Variants in EIF4E3 observed in about 807,000 individuals in gnomAD.
The protein encoded by EIF4E3 is eukaryotic translation initiation factor 4E family member 3.
A neutral mutation model predicts 31.7 loss-of-function variants in EIF4E3; 26 were observed. The observed-to-expected ratio is 0.82, with a 90% confidence interval of 0.60 to 1.14. The LOEUF (loss-of-function observed/expected upper bound fraction) is 1.14. Among genes scored for constraint, EIF4E3 ranks in the 50% most tolerant of loss-of-function variants. EIF4E3 has a pLI of 0.00. For synonymous variants in EIF4E3, 128 were observed against 107.7 expected (o/e 1.19, Z -1.17); for missense variants, 304 against 270.9 (o/e 1.12, Z -0.86).
chr3:71,716,116 A>C (rs2049460586), intron 1 of EIF4E3, among the ~76,000 whole-genome samples: 1 of 152,238 alleles, frequency 6.6e-6, no homozygotes, highest in Admixed American at 6.5e-5. Flanking sequence ...CTGGCAAAGC[A>C]CAGAGGTGGA....
intron 1 of EIF4E3, among the ~76,000 whole-genome samples, chr3:71,746,028 G>C (rs571826813): frequency 2.6e-5 from 4 of 152,034 alleles, no homozygotes; most frequent in Non-Finnish European, 5.9e-5. Flanking sequence ...ATGGTTTTTC[G>C]CAATTCTGTA....
chr3:71,749,112 C>CACCTTGTGCT (rs1326960365), intron 1 of EIF4E3, among the ~76,000 whole-genome samples: 3 of 152,248 alleles, frequency 2.0e-5, no homozygotes, highest in Non-Finnish European at 4.4e-5. Context: ...CTTGTGTGCA[C>CACCTTGTGCT]ACCTTGTGCT....
At chr3:71,741,155 A>G (rs2049816280) in intron 1 of EIF4E3, among the ~76,000 whole-genome samples, 1 of 151,598 alleles carries the variant, frequency 6.6e-6, no homozygotes, top group African/African-American at 2.4e-5. Context: ...AAATACAATA[A>G]AAACAAAAAA....
chr3:71,690,075 G>A lies in EIF4E3; in HGVS notation c.563C>T (p.Ala188Val), dbSNP rs1339292058. The A allele has an allele frequency of 5.0e-6, 8 of 1,613,440 alleles. No homozygotes were observed. The highest frequency in any genetic ancestry group is 5.9e-6 in the Non-Finnish European group (7 of 1,179,904). ...WNVNASLVGE[A>V]TVLEKIYELL... Reference sequence around the variant, plus strand: ...TTCATAGATCTTTTCTAAAACAGTCGCTTCACCCACTAAAGAGGCATTTAC... The same window carrying A: ...TTCATAGATCTTTTCTAAAACAGTCACTTCACCCACTAAAGAGGCATTTAC... The change falls in exon 6 of 7, where the codon GCG becomes GTG. Residue 188 changes from alanine (A) to valine (V), a missense_variant. Ala to Val is a moderately conservative substitution (Grantham distance 64, BLOSUM62 0). Coordinates refer to ENST00000425534, the MANE Select transcript of EIF4E3 (RefSeq NM_001134651.2).
In EIF4E3 at chr3:71,692,098, G is replaced by A. The variant is rs551888789; in HGVS notation, c.472+1777C>T. Among the ~76,000 whole-genome samples the A allele has an allele frequency of 6.6e-5, 10 of 152,280 alleles. No homozygotes were observed. The South Asian group carries it at 1.2e-3, about 19-fold the overall frequency. ...TTACTAGCACAGCACTTTCACAAAT[G>A]GCTCGGTAAAAAAAGGCTGCAACTC... is the stretch of plus-strand genomic sequence containing the variant. On this transcript the variant is annotated intron_variant, in intron 5 of 6. Transcript: ENST00000425534.
intron 4 of EIF4E3, among the ~76,000 whole-genome samples, chr3:71,695,304 G>T (rs564965764): frequency 6.6e-6 from 1 of 152,302 alleles, no homozygotes; most frequent in East Asian, 1.9e-4. Flanking sequence ...AACTGCCTGG[G>T]ATGAGGGCAT....
chr3:71,685,239 G>A (rs1349544815), intron 6 of EIF4E3, among the ~76,000 whole-genome samples: 3 of 152,050 alleles, frequency 2.0e-5, no homozygotes, highest in Non-Finnish European at 4.4e-5. Context: ...CTCTCCATGG[G>A]AAATGAAGTT....
At chr3:71,685,810 G>T (rs1215308376) in intron 6 of EIF4E3, among the ~76,000 whole-genome samples, 1 of 152,060 alleles carries the variant, frequency 6.6e-6, no homozygotes, top group Non-Finnish European at 1.5e-5. Flanking sequence ...CTACCTCCCG[G>T]ATCTGGTTAA....
chr3:71,728,124 G>A (rs1012488337), upstream of EIF4E3, among the ~76,000 whole-genome samples: 4 of 152,016 alleles, frequency 2.6e-5, no homozygotes, highest in Non-Finnish European at 5.9e-5. Context: ...TAGCATATAT[G>A]CACCTTACAC....
At chr3:71,687,704 A>G (rs2049012284) in intron 6 of EIF4E3, among the ~76,000 whole-genome samples, 1 of 152,236 alleles carries the variant, frequency 6.6e-6, no homozygotes, top group Non-Finnish European at 1.5e-5. Flanking sequence ...ATGTGTATCC[A>G]TATCAAATGT....
At chr3:71,661,345 G>A in the EIF4E3 span, among the ~76,000 whole-genome samples, 4 of 152,032 alleles carry the variant, frequency 2.6e-5, no homozygotes, top group African/African-American at 4.8e-5. Flanking sequence ...GGGAAGCCTC[G>A]TGCTCCCAAA....
rs760717952 is a variant in EIF4E3, at chr3:71,690,029, A to G, written c.609T>C (p.Phe203=). The G allele has an allele frequency of 3.1e-6, 5 of 1,612,628 alleles. No homozygotes were observed. The East Asian group carries it at 1.1e-4, about 36-fold the overall frequency. ...KIYELLPHIT[F]KAVFYKPHEE... Reference sequence around the variant, plus strand: ...ACTTACGTTTATAAAATACTGCTTTAAAAGTTATGTGGGGCAGAAGTTCAT... The same window carrying G: ...ACTTACGTTTATAAAATACTGCTTTGAAAGTTATGTGGGGCAGAAGTTCAT... Residue 203 remains phenylalanine (F), a synonymous_variant, in exon 6 of 7, where the codon TTT becomes TTC. Transcript: ENST00000425534.
the EIF4E3 span, among the ~76,000 whole-genome samples, chr3:71,663,989 G>C: frequency 1.4e-3 from 211 of 152,298 alleles, no homozygotes; most frequent in Admixed American, 4.0e-3. Context: ...GGGAGAAGGA[G>C]AGTGCTACAG....
At chr3:71,663,734 G>A in the EIF4E3 span, among the ~76,000 whole-genome samples, 2 of 152,184 alleles carry the variant, frequency 1.3e-5, no homozygotes, top group Non-Finnish European at 2.9e-5. Context: ...GTGGTTCGCC[G>A]CTCATGCCTG....
upstream of EIF4E3, among the ~76,000 whole-genome samples, chr3:71,726,974 G>A (rs2049647131): frequency 6.6e-6 from 1 of 152,154 alleles, no homozygotes; most frequent in Non-Finnish European, 1.5e-5. Context: ...CTTACAATAA[G>A]CCAATGAGGA....
At chr3:71,706,537 C>A (rs1212381190) in intron 2 of EIF4E3, among the ~76,000 whole-genome samples, 5 of 151,998 alleles carry the variant, frequency 3.3e-5, no homozygotes, top group African/African-American at 1.2e-4. Context: ...GATCAACGTA[C>A]AGGCCAAAGT....
intron 2 of EIF4E3, among the ~76,000 whole-genome samples, chr3:71,706,200 G>C (rs753085072): frequency 2.0e-5 from 3 of 152,088 alleles, no homozygotes; most frequent in East Asian, 3.9e-4. Context: ...CCTCAATCAC[G>C]GGGAGTAAAA....
At chr3:71,693,243 G>A (rs1001598380) in intron 5 of EIF4E3, among the ~76,000 whole-genome samples, 5 of 152,108 alleles carry the variant, frequency 3.3e-5, no homozygotes, top group East Asian at 1.9e-4. Context: ...AAAGCTTTTT[G>A]TTTTGCTCTC....
Position 71,678,458 on chromosome 3 carries a change from A to C in EIF4E3, c.*6224T>G, listed in dbSNP as rs2048890965. 6.6e-6 allele frequency: 1 copy of C among 152,192 alleles called. No individual in the cohort carries two copies. The allele number at this position is 152,192 out of a possible 1,614,324, so 9.4% of individuals were successfully genotyped here. ...AAACACATAAATCACTACCTTTTCAAGTAAGAAAAGTATAGTCTAGTCTTA... is the reference window on the plus strand; with the variant it reads ...AAACACATAAATCACTACCTTTTCACGTAAGAAAAGTATAGTCTAGTCTTA... On this transcript the variant is annotated 3_prime_UTR_variant, in exon 7 of 7. Transcript: ENST00000425534.
Sources: allele counts gnomAD v4.1 joint callset (sites outside exome capture counted in the v4.1 genomes callset), GRCh38; gene constraint gnomAD v4.1.1; transcripts MANE v1.5; gene names NCBI Gene and HGNC (gene_info 2026-07-23, HGNC 2026-07-21).